The following HIP1R variants were observed in gnomAD, a reference collection of about 807,000 sequenced individuals.
HIP1R encodes the protein huntingtin interacting protein 1 related.
A neutral mutation model predicts 144.2 loss-of-function variants in HIP1R; 135 were observed. The observed-to-expected ratio is 0.94, with a 90% CI of 0.81 to 1.08. The LOEUF is 1.08. Among genes scored for constraint, HIP1R ranks in the 50% least tolerant of loss-of-function variants. The pLI is 0.00. For missense variants in HIP1R, 1,462 were observed against 1,432.8 expected (o/e 1.02, Z -0.33); for synonymous variants, 698 against 612.8 (o/e 1.14, Z -2.05).
In HIP1R at chr12:122,859,171, C is replaced by T. The variant is rs1338665408; in HGVS notation, c.2269C>T (p.Leu757=). The change falls in exon 22 of 32, where the codon CTG becomes TTG. Residue 757 remains leucine (L), a synonymous_variant. Transcript: ENST00000253083. ...GCAGGCCAGCCTGGTGCGGACACCC[C>T]TGCAGGGCATCCTTCAGCTGGGCCA... The part of the protein sequence containing the change: ...HMQASLVRTP[L]QGILQLGQEL... The T allele has an allele frequency of 2.5e-6, 4 of 1,575,822 alleles. No homozygotes were observed. The highest frequency in any genetic ancestry group is 1.7e-6 in the Non-Finnish European group (2 of 1,161,556).
In HIP1R at chr12:122,859,380, C is replaced by CT. The variant is rs568644658; in HGVS notation, c.2296-46_2296-45insT. ...CCTCTTTCCCAGGCTGCCCGTGGGA[C>CT]GGGGGGGGACGGAGGCTACCCCTGT... is the stretch of plus-strand genomic sequence containing the variant. On this transcript the variant is annotated intron_variant, in intron 22 of 31. Transcript: ENST00000253083. 3.3e-6 allele frequency: 5 copies of CT among 1,511,140 alleles called. No homozygotes were observed. In the East Asian group the frequency reaches 6.9e-5, roughly 21 times the overall value. 93.6% of individuals were successfully genotyped at this position (1,511,140 alleles called of 1,614,324 possible).
intron 1 of HIP1R, among the ~76,000 whole-genome samples, chr12:122,839,510 G>A (rs1186254480): frequency 6.6e-6 from 1 of 152,174 alleles, no homozygotes; most frequent in African/African-American, 2.4e-5. Flanking sequence ...TTTCCAGGTT[G>A]GTGACATACA....
intron 12 of HIP1R, 34 bp from the exon 13 acceptor site, chr12:122,855,797 G>T: frequency 1.3e-6 from 2 of 1,548,896 alleles, no homozygotes; most frequent in African/African-American, 1.4e-5. Context: ...TGTTCTGGTT[G>T]ACTTAACTTG....
At chr12:122,854,819 T>C (rs1593880074) in intron 8 of HIP1R, 86 bp from the exon 9 acceptor site, 1 of 1,394,626 alleles carries the variant, frequency 7.2e-7, no homozygotes, top group East Asian at 2.3e-5. Context: ...ATCTGTGAGT[T>C]TGTAGCATAC....
In HIP1R at chr12:122,850,250, C is replaced by T. The variant is rs1180215207; in HGVS notation, c.438+295C>T. ...TGTGCTGGCCGGGTGCTCCCCTCCT[C>T]CCAACCCCTCCACTGCCCTCTGCCA... On this transcript the variant is annotated intron_variant, in intron 5 of 31. Transcript: ENST00000253083. 7.0e-6 allele frequency: 4 copies of T among 571,532 alleles called. No individual in the cohort carries two copies. In the Admixed American group the frequency reaches 8.7e-5, roughly 12 times the overall value. The allele number at this position is 571,532 out of a possible 1,614,324, so 35.4% of individuals were successfully genotyped here.
In HIP1R at chr12:122,856,173, G is replaced by T. The variant is rs765496075; in HGVS notation, c.1312+10G>T. 2.5e-6 allele frequency: 4 copies of T among 1,608,162 alleles called. No individual in the cohort carries two copies. Among genetic ancestry groups the T allele is most frequent in the South Asian group, 2.2e-5 (2 of 90,370 alleles). On this transcript the variant is annotated intron_variant, in intron 14 of 31. Transcript: ENST00000253083. The stretch of plus-strand genomic sequence containing the variant: ...CGTGAGGAGGCTGAGAGTACGTGGG[G>T]CCTTGGCCACAGGGGTCCAAGGGTG...
At chr12:122,835,053 A>G (rs1262336970), upstream of HIP1R, 2 of 1,230,258 alleles carry the variant, frequency 1.6e-6, no homozygotes, top group Non-Finnish European at 2.1e-6. Flanking sequence ...TGGGGTCCCT[A>G]CCCTGGGTGG....
At chr12:122,850,357 G>C (rs766407476) in intron 5 of HIP1R, 1 of 471,250 alleles carries the variant, frequency 2.1e-6, no homozygotes. Flanking sequence ...GGGTTGGGGG[G>C]GCCCTGGTTC....
At position 122,856,376 on chromosome 12, in the gene HIP1R, T is replaced by G. The variant is rs780077385; in HGVS notation, c.1401+32T>G. 1.4e-5 allele frequency: 22 copies of G among 1,611,436 alleles called. No homozygotes were observed. The East Asian group carries it at 4.9e-4, about 36-fold the overall frequency. On this transcript the variant is annotated intron_variant, in intron 15 of 31. Coordinates refer to ENST00000253083, the MANE Select transcript of HIP1R (RefSeq NM_003959.3). ...GCAGCCCATCCTCCATCCCAGCCGG[T>G]GGCAGGGCCTCTCGGGGATGGCAGC...
chr12:122,858,323 G>A (rs2135674409), intron 19 of HIP1R, 26 bp from the exon 20 acceptor site: 2 of 1,597,604 alleles, frequency 1.3e-6, no homozygotes, highest in Non-Finnish European at 1.7e-6. Flanking sequence ...GGGTGGCAGG[G>A]GCCTCAGTTC....
Position 122,855,566 on chromosome 12 carries a change from T to C in HIP1R, c.1009T>C (p.Phe337Leu). The change falls in exon 12 of 32, where the codon TTC (phenylalanine) becomes CTC (leucine). Residue 337 changes from phenylalanine to leucine, a missense_variant. Phe to Leu is a conservative substitution (Grantham distance 22, BLOSUM62 0). Coordinates refer to ENST00000253083, the MANE Select transcript of HIP1R (RefSeq NM_003959.3). ...GCTGTGGCAGGTGGTGGCTGACCTC[T>C]TCGATCAGACGTTTGGACCCCCCAA... Reference protein sequence around the residue: ...AGEPVVVADLFDQTFGPPNGS... With the variant: ...AGEPVVVADLLDQTFGPPNGS... The C allele has an allele frequency of 6.5e-7, 1 of 1,549,484 alleles. No homozygotes were observed.
intron 31 of HIP1R, 27 bp downstream of exon 31, chr12:122,861,541 T>C (rs2033774300): frequency 1.3e-6 from 2 of 1,596,532 alleles, no homozygotes; most frequent in African/African-American, 1.4e-5. Flanking sequence ...GATGGGGGAG[T>C]TCCTGGACGG....
intron 22 of HIP1R, 89 bp from the exon 23 acceptor site, chr12:122,859,337 G>C: frequency 4.1e-6 from 6 of 1,467,720 alleles, no homozygotes; most frequent in Non-Finnish European, 5.7e-6. Flanking sequence ...CACCCTCCTC[G>C]ATCCCTGTGG....
intron 5 of HIP1R, chr12:122,850,207 G>A (rs1033569352): frequency 1.6e-6 from 1 of 635,106 alleles, no homozygotes; most frequent in African/African-American, 1.8e-5. Context: ...ATGAGCGCTG[G>A]GCTTCCTCAG....
At chr12:122,858,503 T>G in intron 20 of HIP1R, 68 bp downstream of exon 20, 1 of 1,322,432 alleles carries the variant, frequency 7.6e-7, no homozygotes, top group Non-Finnish European at 1.0e-6. Flanking sequence ...GGCCACCTCT[T>G]GCCTTTTGGG....
rs555086513 is a variant in HIP1R, at chr12:122,844,187, G to A, written c.94-3844G>A. 4.6e-5 allele frequency among the ~76,000 whole-genome samples: 7 copies of A among 152,258 alleles called. No individual in the cohort carries two copies. In the South Asian group the frequency reaches 6.2e-4, roughly 14 times the overall value. On this transcript the variant is annotated intron_variant, in intron 1 of 31. Transcript: ENST00000253083. ...AGGTTCTCACTCTGTTACCCAGGCT[G>A]CAGTGCAGTGGTGCTATCATGGCTC...
intron 24 of HIP1R, 44 bp downstream of exon 24, chr12:122,859,874 C>T (rs1338546435): frequency 2.5e-6 from 4 of 1,573,794 alleles, no homozygotes; most frequent in Non-Finnish European, 3.5e-6. Context: ...GAGGTGGGCT[C>T]CCCGTGGCCC....
rs1214340942 is a variant in HIP1R, at chr12:122,856,716, A to G, written c.1610A>G (p.His537Arg). ...GCCCGCGCGCAGGAGGCCCTGAGCC[A>G]CACAGAGCAGGTGCATCTGGCTTTG... is the stretch of plus-strand genomic sequence containing the variant. ...ELARAQEALS[H>R]TEQSKSELSS... is the part of the protein sequence containing the mutation. Residue 537 changes from histidine (H) to arginine (R), a missense_variant, in exon 17 of 32, where the codon CAC becomes CGC. Transcript: ENST00000253083. The G allele has an allele frequency of 6.3e-7, 1 of 1,575,332 alleles. No individual in the cohort carries two copies. Among genetic ancestry groups the G allele is most frequent in the Non-Finnish European group, 8.6e-7 (1 of 1,160,922 alleles).
chr12:122,851,232 G>A lies in HIP1R; in HGVS notation c.516-4G>A, dbSNP rs367973641. On this transcript the variant is annotated splice_polypyrimidine_tract_variant and splice_region_variant and intron_variant, in intron 6 of 31. Transcript: ENST00000253083. The stretch of plus-strand genomic sequence containing the variant: ...TCATTTCTTCCCCCACTTCTCTTGC[G>A]TAGCTTCCAGCTCACTGTGGAGATG... 62 of 1,509,006 alleles carry A rather than the reference G, an allele frequency of 4.1e-5. No homozygotes were observed. The highest frequency in any genetic ancestry group is 1.3e-4 in the Admixed American group (5 of 39,578). The allele number at this position is 1,509,006 out of a possible 1,614,324, so 93.5% of individuals were successfully genotyped here. A position where few individuals can be genotyped will look rare whatever the true frequency, so the allele number is the denominator to read the frequency against.
Sources: gnomAD v4.1 joint callset for allele counts (sites outside exome capture counted in the v4.1 genomes callset) on GRCh38, gnomAD v4.1.1 for gene constraint, MANE v1.5 for transcripts, NCBI Gene and HGNC (gene_info 2026-07-23, HGNC 2026-07-21) for gene names.